The following PLEKHA5 variants were observed in gnomAD, a reference collection of about 807,000 sequenced individuals.
PLEKHA5 encodes pleckstrin homology domain-containing family A member 5.
A neutral mutation model predicts 181.9 loss-of-function variants in PLEKHA5; 55 were observed. The observed-to-expected ratio is 0.30, with a 90% CI of 0.24 to 0.38. The LOEUF (loss-of-function observed/expected upper bound fraction) is 0.38, where lower values mean the gene tolerates loss of function less well. Among genes scored for constraint, PLEKHA5 ranks in the 10% least tolerant of loss-of-function variants. The probability of loss-of-function intolerance (pLI) is 1.00; values close to 1 mark genes in which losing one functional copy is unlikely to be tolerated. For synonymous variants in PLEKHA5, 535 were observed against 529.4 expected, an observed-to-expected ratio of 1.01 and a Z score of -0.15; for missense variants, 1,432 against 1,549.5, an observed-to-expected ratio of 0.92 and a Z score of 1.27.
In PLEKHA5 at chr12:19,366,934, G is replaced by A. The variant is rs543230077; in HGVS notation, c.3754+825G>A. Among the ~76,000 whole-genome samples, 3 of 149,574 alleles carry A rather than the reference G, an allele frequency of 2.0e-5. No individual in the cohort carries two copies. In the East Asian group the frequency reaches 5.9e-4, roughly 29 times the overall value. Reference sequence around the variant, plus strand: ...CACAAATCTTTTCTTTTTTTTTCCTGGAGGCAGAGTACTCCCTCTGTTGCC... The same window carrying A: ...CACAAATCTTTTCTTTTTTTTTCCTAGAGGCAGAGTACTCCCTCTGTTGCC... On this transcript the variant is annotated intron_variant, in intron 30 of 31. Coordinates refer to ENST00000429027, the MANE Select transcript of PLEKHA5 (RefSeq NM_001256470.2).
At chr12:19,283,878 AAAAT>A (rs1055158743) in intron 12 of PLEKHA5, 133 bp downstream of exon 12, 10 of 602,220 alleles carry the variant, frequency 1.7e-5, no homozygotes, top group African/African-American at 7.4e-5. Flanking sequence ...TTTGTTTTAA[AAAAT>A]AAATAAAAAT....
chr12:19,349,050 G>C (rs991130419), intron 25 of PLEKHA5, among the ~76,000 whole-genome samples: 3 of 151,610 alleles, frequency 2.0e-5, no homozygotes, highest in African/African-American at 7.3e-5. Flanking sequence ...TTTCCTGGGA[G>C]AGTTTTCTTT....
chr12:19,250,659 A>G (rs2065036687), intron 3 of PLEKHA5, among the ~76,000 whole-genome samples: 1 of 152,228 alleles, frequency 6.6e-6, no homozygotes, highest in African/African-American at 2.4e-5. Context: ...TTCTAGAAAT[A>G]CAAATTTTTT....
intron 28 of PLEKHA5, among the ~76,000 whole-genome samples, chr12:19,360,667 T>C (rs2095196516): frequency 6.6e-6 from 1 of 151,634 alleles, no homozygotes; most frequent in African/African-American, 2.4e-5. Context: ...TAACTGAAAA[T>C]TTAAAACATA....
chr12:19,366,742 G>C (rs987019460), intron 30 of PLEKHA5, among the ~76,000 whole-genome samples: 1 of 152,104 alleles, frequency 6.6e-6, no homozygotes, highest in Non-Finnish European at 1.5e-5. Context: ...GCCACATTGG[G>C]AACTGTGGAG....
At chr12:19,345,595 C>A (rs1229214130) in intron 22 of PLEKHA5, among the ~76,000 whole-genome samples, 1 of 151,780 alleles carries the variant, frequency 6.6e-6, no homozygotes, top group East Asian at 1.9e-4. Context: ...GAAACCCCAT[C>A]TCTACTAAAA....
chr12:19,199,631 G>C (rs2053727316), intron 3 of PLEKHA5, among the ~76,000 whole-genome samples: 1 of 152,064 alleles, frequency 6.6e-6, no homozygotes. Flanking sequence ...GTAAATATTT[G>C]TACTGCAAGA....
At chr12:19,156,214 G>T (rs202091608) in intron 3 of PLEKHA5, among the ~76,000 whole-genome samples, 17 of 145,084 alleles carry the variant, frequency 1.2e-4, no homozygotes, top group South Asian at 4.3e-4. Flanking sequence ...TCCTTTTTTT[G>T]TTTTTTTTTT....
chr12:19,136,166 T>G (rs1430232462), intron 3 of PLEKHA5, among the ~76,000 whole-genome samples: 1 of 152,160 alleles, frequency 6.6e-6, no homozygotes, highest in African/African-American at 2.4e-5. Context: ...ATTATAGGCA[T>G]GAGCCATGGT....
At chr12:19,364,519 AAT>A (rs971960155) in intron 29 of PLEKHA5, among the ~76,000 whole-genome samples, 1 of 151,486 alleles carries the variant, frequency 6.6e-6, no homozygotes, top group African/African-American at 2.4e-5. Flanking sequence ...TCAAAAAAAA[AAT>A]ATATATGTGT....
intron 6 of PLEKHA5, among the ~76,000 whole-genome samples, chr12:19,259,220 T>G (rs1162964171): frequency 6.6e-6 from 1 of 151,298 alleles, no homozygotes; most frequent in Non-Finnish European, 1.5e-5. Context: ...AAACAAAGAT[T>G]AACCTGGTGT....
Position 19,310,645 on chromosome 12 carries a change from A to T in PLEKHA5, c.2038-4169A>T, listed in dbSNP as rs149395971. ...AAAAAAAAGAATGCAGGCTAGGCAC[A>T]GTAGCTCTCGCCTATAATCCCAGCA... is the stretch of plus-strand genomic sequence containing the variant. On this transcript the variant is annotated intron_variant, in intron 15 of 31. Coordinates refer to ENST00000429027, the MANE Select transcript of PLEKHA5 (RefSeq NM_001256470.2). Among the ~76,000 whole-genome samples the T allele has an allele frequency of 4.4e-3, 658 of 150,324 alleles. 5 individuals are homozygous for T. The highest frequency in any genetic ancestry group is 0.015 in the African/African-American group (629 of 40,950).
At chr12:19,370,418 C>T (rs974677556) in intron 31 of PLEKHA5, among the ~76,000 whole-genome samples, 5 of 152,144 alleles carry the variant, frequency 3.3e-5, no homozygotes, top group Non-Finnish European at 2.9e-5. Context: ...GAATAGTTTC[C>T]TGAATTCTTA....
At chr12:19,315,044 A>C in intron 16 of PLEKHA5, 150 bp downstream of exon 16, 1 of 615,676 alleles carries the variant, frequency 1.6e-6, no homozygotes, top group Non-Finnish European at 3.0e-6. Flanking sequence ...CAATTCATCC[A>C]TGCTTTTCAA....
At chr12:19,225,017 A>T (rs976279413) in intron 3 of PLEKHA5, among the ~76,000 whole-genome samples, 2 of 152,146 alleles carry the variant, frequency 1.3e-5, no homozygotes, top group African/African-American at 4.8e-5. Flanking sequence ...GGAGAAAAGA[A>T]TCTGTTAAAA....
intron 3 of PLEKHA5, among the ~76,000 whole-genome samples, chr12:19,211,209 C>G (rs1244263055): frequency 6.6e-6 from 1 of 152,132 alleles, no homozygotes; most frequent in African/African-American, 2.4e-5. Context: ...TACCCTGCCC[C>G]CACCAAGTTG....
At chr12:19,211,559 C>A (rs1227234385) in intron 3 of PLEKHA5, among the ~76,000 whole-genome samples, 1 of 151,920 alleles carries the variant, frequency 6.6e-6, no homozygotes, top group Non-Finnish European at 1.5e-5. Flanking sequence ...TAATATCTGC[C>A]CATTAAAACT....
intron 15 of PLEKHA5, among the ~76,000 whole-genome samples, chr12:19,304,749 C>T (rs949797096): frequency 6.7e-6 from 1 of 149,160 alleles, no homozygotes; most frequent in Non-Finnish European, 1.5e-5. Context: ...TTATGGGGGC[C>T]GGGGGGCTTT....
At chr12:19,311,207 C>T (rs1346423208) in intron 15 of PLEKHA5, among the ~76,000 whole-genome samples, 1 of 149,946 alleles carries the variant, frequency 6.7e-6, no homozygotes, top group African/African-American at 2.5e-5. Flanking sequence ...GGGAGGCTTG[C>T]ATGAGGCCAG....
Sources: allele counts gnomAD v4.1 joint callset (sites outside exome capture counted in the v4.1 genomes callset), GRCh38; gene constraint gnomAD v4.1.1; transcripts MANE v1.5; gene names NCBI Gene and HGNC (gene_info 2026-07-23, HGNC 2026-07-21).